MSRA: variants seen among roughly 807,000 people sequenced by gnomAD.
The protein encoded by MSRA is methionine sulfoxide reductase A.
A neutral mutation model predicts 31.3 loss-of-function variants in MSRA; 54 were observed. The observed-to-expected ratio is 1.73, with a 90% CI of 1.39 to 2.17. MSRA has a LOEUF of 2.17. MSRA is among the 30% of genes most tolerant of loss of function. The pLI is 0.00. For synonymous variants in MSRA, 169 were observed against 116.5 expected (o/e 1.45, Z -2.90); for missense variants, 507 against 300.9 (o/e 1.69, Z -5.07).
intron 3 of MSRA, among the ~76,000 whole-genome samples, chr8:10,255,189 G>A (rs117221237): frequency 0.02 from 2,995 of 152,288 alleles, 41 homozygotes; most frequent in Non-Finnish European, 0.031. Context: ...GCTGAAACAC[G>A]CAGTAAAATG....
chr8:10,304,070 G>A (rs1800995515), intron 4 of MSRA, among the ~76,000 whole-genome samples: 1 of 152,136 alleles, frequency 6.6e-6, no homozygotes, highest in Admixed American at 6.5e-5. Context: ...TGAGTAGCTG[G>A]GATTACAGGT....
intron 5 of MSRA, among the ~76,000 whole-genome samples, chr8:10,419,360 G>C (rs142637197): frequency 6.6e-6 from 1 of 152,318 alleles, no homozygotes; most frequent in South Asian, 2.1e-4. Context: ...TTTGAGTAAG[G>C]CATGTGAATT....
chr8:10,221,966 T>A (rs1228227518), intron 2 of MSRA, among the ~76,000 whole-genome samples: 1 of 152,160 alleles, frequency 6.6e-6, no homozygotes, highest in Non-Finnish European at 1.5e-5. Context: ...GGTCAGAGAC[T>A]ACGAGATCAT....
At chr8:10,235,072 A>G (rs764694243) in intron 2 of MSRA, among the ~76,000 whole-genome samples, 2 of 152,214 alleles carry the variant, frequency 1.3e-5, no homozygotes, top group South Asian at 4.1e-4. Context: ...AAGCTTGTCC[A>G]TAAATGTCTG....
At chr8:10,257,488 C>A (rs749535974) in intron 3 of MSRA, among the ~76,000 whole-genome samples, 3 of 152,130 alleles carry the variant, frequency 2.0e-5, no homozygotes, top group Non-Finnish European at 2.9e-5. Flanking sequence ...CTCACTGCAA[C>A]CCCCGCCTCC....
chr8:10,207,038 C>T (rs1173011926), intron 1 of MSRA, among the ~76,000 whole-genome samples: 1 of 152,162 alleles, frequency 6.6e-6, no homozygotes, highest in Non-Finnish European at 1.5e-5. Context: ...TTGTGTTTTC[C>T]ACATAAGTGC....
At chr8:10,375,393 G>C (rs1426506217) in intron 5 of MSRA, among the ~76,000 whole-genome samples, 1 of 152,200 alleles carries the variant, frequency 6.6e-6, no homozygotes, top group Non-Finnish European at 1.5e-5. Context: ...TCATATCGGA[G>C]GCATGACCAC....
intron 2 of MSRA, among the ~76,000 whole-genome samples, chr8:10,211,818 T>C (rs1256710990): frequency 6.6e-6 from 1 of 152,126 alleles, no homozygotes; most frequent in African/African-American, 2.4e-5. Context: ...GTCCACTCTG[T>C]CCACGTGGAG....
chr8:10,289,759 G>A (rs984553027), intron 3 of MSRA, among the ~76,000 whole-genome samples: 3 of 152,144 alleles, frequency 2.0e-5, no homozygotes, highest in African/African-American at 7.2e-5. Context: ...ACACTTTTAG[G>A]AAAACGTACG....
At position 10,108,661 on chromosome 8, in the gene MSRA, C is replaced by T. The variant is rs117321415; in HGVS notation, c.142+54003C>T. Among the ~76,000 whole-genome samples, 499 of 152,260 alleles carry T rather than the reference C, an allele frequency of 3.3e-3. 1 individual carries two copies. The highest frequency in any genetic ancestry group is 0.02 in the Middle Eastern group (6 of 294). On this transcript the variant is annotated intron_variant, in intron 1 of 5. Coordinates refer to ENST00000317173, the MANE Select transcript of MSRA (RefSeq NM_012331.5). ...GAAACTTTGGCCTGTGAGCAATTGG[C>T]GAGGCTGTTTCCCATTAGATTCTGT...
At chr8:10,385,809 G>GGTT (rs1806354204) in intron 5 of MSRA, among the ~76,000 whole-genome samples, 1 of 140,838 alleles carries the variant, frequency 7.1e-6, no homozygotes, top group Admixed American at 7.3e-5. Context: ...ACCTGGTGGG[G>GGTT]GGTGGGGTGT....
intron 5 of MSRA, among the ~76,000 whole-genome samples, chr8:10,425,814 G>A (rs1460672604): frequency 2.0e-5 from 3 of 152,226 alleles, no homozygotes; most frequent in East Asian, 3.8e-4. Flanking sequence ...TTGTGAACCC[G>A]GAGCCCTTGG....
intron 1 of MSRA, among the ~76,000 whole-genome samples, chr8:10,078,436 G>A (rs374143331): frequency 9.2e-4 from 140 of 152,326 alleles, no homozygotes; most frequent in Non-Finnish European, 1.5e-3. Context: ...GCGCAGCCCC[G>A]TTCACATGGT....
intron 1 of MSRA, among the ~76,000 whole-genome samples, chr8:10,072,589 C>A (rs180975693): frequency 5.9e-5 from 9 of 152,190 alleles, no homozygotes; most frequent in Non-Finnish European, 1.3e-4. Context: ...GTTCTAAGGT[C>A]TGTCCCACTC....
chr8:10,269,631 TTTGTTG>T (rs1229659425), intron 3 of MSRA, among the ~76,000 whole-genome samples: 4 of 151,206 alleles, frequency 2.6e-5, no homozygotes, highest in South Asian at 2.1e-4. Context: ...CTTTTGGTTT[TTTGTTG>T]TTGTTGTTGT....
intron 2 of MSRA, among the ~76,000 whole-genome samples, chr8:10,213,572 G>A (rs182687501): frequency 6.6e-6 from 1 of 151,942 alleles, no homozygotes; most frequent in East Asian, 1.9e-4. Flanking sequence ...GAGTAGCTGG[G>A]ATGACAGGTG....
rs1797561735 is a variant in MSRA at position 10,245,231 on chromosome 8, G to A, written c.331+8G>A. The stretch of plus-strand genomic sequence containing the variant: ...ATAAAGAAGTCTGCTCAGGTAGGAA[G>A]AATTTGCTTTATTGTATTACTAGGA... On this transcript the variant is annotated splice_region_variant and intron_variant, in intron 3 of 5. Transcript: ENST00000317173. The A allele has an allele frequency of 6.2e-7, 1 of 1,612,300 alleles. No homozygotes were observed. The highest frequency in any genetic ancestry group is 8.5e-7 in the Non-Finnish European group (1 of 1,179,244).
At chr8:10,198,684 G>C (rs572568370) in intron 1 of MSRA, among the ~76,000 whole-genome samples, 49 of 152,258 alleles carry the variant, frequency 3.2e-4, no homozygotes, top group African/African-American at 1.0e-3. Flanking sequence ...AGTGCAATGG[G>C]ACAGTCATAG....
At chr8:10,216,340 C>T (rs938018827) in intron 2 of MSRA, among the ~76,000 whole-genome samples, 1 of 152,170 alleles carries the variant, frequency 6.6e-6, no homozygotes, top group Non-Finnish European at 1.5e-5. Context: ...AAATTTGGCT[C>T]TATGTTTCCT....
Sources: gnomAD v4.1 joint callset for allele counts (sites outside exome capture counted in the v4.1 genomes callset) on GRCh38, gnomAD v4.1.1 for gene constraint, MANE v1.5 for transcripts, NCBI Gene and HGNC (gene_info 2026-07-23, HGNC 2026-07-21) for gene names.